PAIP2B: variants seen among roughly 807,000 people sequenced by gnomAD.
The protein encoded by PAIP2B is polyadenylate-binding protein-interacting protein 2B.
Under a neutral mutation model 17.0 loss-of-function variants are expected in PAIP2B, and 13 were observed. The ratio of observed to expected loss-of-function variants is 0.76; its 90% confidence interval spans 0.50 to 1.22. The LOEUF is 1.22. Ranked by LOEUF, PAIP2B falls within the 50% of genes most tolerant of loss-of-function variation. The pLI, the probability that PAIP2B is intolerant of heterozygous loss-of-function variation, is 0.00. For missense variants in PAIP2B, 117 were observed against 144.5 expected (o/e 0.81, Z 0.98); for synonymous variants, 43 against 48.7 (o/e 0.88, Z 0.48).
In PAIP2B at chr2:71,194,578, T is replaced by C. The variant is rs181139029; in HGVS notation, c.139-4557A>G. Among the ~76,000 whole-genome samples, 22 of 152,228 alleles carry C rather than the reference T, an allele frequency of 1.4e-4. No homozygotes were observed. The East Asian group carries it at 3.7e-3, about 25-fold the overall frequency. Reference sequence around the variant, plus strand: ...TAGGAATGCTAGTGATTTTTGTACATTGATTTTGTATTCTGCAACTTTGCT... The same window carrying C: ...TAGGAATGCTAGTGATTTTTGTACACTGATTTTGTATTCTGCAACTTTGCT... On this transcript the variant is annotated intron_variant, in intron 2 of 3. Coordinates refer to ENST00000244221, the MANE Select transcript of PAIP2B (RefSeq NM_020459.1).
intron 1 of PAIP2B, among the ~76,000 whole-genome samples, chr2:71,212,221 A>T (rs1409412303): frequency 6.6e-6 from 1 of 152,222 alleles, no homozygotes; most frequent in East Asian, 1.9e-4. Flanking sequence ...AAATGCCACT[A>T]TAAAAGCCTG....
intron 1 of PAIP2B, among the ~76,000 whole-genome samples, chr2:71,205,293 T>C (rs1026309602): frequency 6.6e-6 from 1 of 152,256 alleles, no homozygotes; most frequent in African/African-American, 2.4e-5. Flanking sequence ...TTTTGTACTA[T>C]TCAACCTGTG....
At chr2:71,189,220 C>T (rs1219708863) in intron 3 of PAIP2B, among the ~76,000 whole-genome samples, 1 of 152,050 alleles carries the variant, frequency 6.6e-6, no homozygotes, top group Non-Finnish European at 1.5e-5. Flanking sequence ...TCCATGTTGG[C>T]CAGGCTGGTC....
chr2:71,215,937 A>G (rs559901184), intron 1 of PAIP2B, among the ~76,000 whole-genome samples: 3 of 152,126 alleles, frequency 2.0e-5, no homozygotes, highest in Admixed American at 6.5e-5. Context: ...TTTGGCCTTG[A>G]TTTTTCATCT....
In PAIP2B at chr2:71,183,573, A is replaced by G. The variant is rs1224905811; in HGVS notation, c.*4906T>C. ...GCTCTCTGCTGACAAAATGTGGTACATCCATCAACAGAATTCTACTCAGCA... is the reference window on the plus strand; with the variant it reads ...GCTCTCTGCTGACAAAATGTGGTACGTCCATCAACAGAATTCTACTCAGCA... On this transcript the variant is annotated 3_prime_UTR_variant, in exon 4 of 4. Coordinates refer to ENST00000244221, the MANE Select transcript of PAIP2B (RefSeq NM_020459.1). 1 of 148,688 alleles carries G rather than the reference A, an allele frequency of 6.7e-6. No individual in the cohort carries two copies. Among genetic ancestry groups the G allele is most frequent in the African/African-American group, 2.5e-5 (1 of 40,052 alleles). 9.2% of individuals were successfully genotyped at this position (148,688 alleles called of 1,614,324 possible). A position where few individuals can be genotyped will look rare whatever the true frequency, so the allele number is the denominator to read the frequency against.
At chr2:71,206,524 C>T (rs1675132792) in intron 1 of PAIP2B, among the ~76,000 whole-genome samples, 1 of 152,148 alleles carries the variant, frequency 6.6e-6, no homozygotes, top group Non-Finnish European at 1.5e-5. Context: ...AGGGTCAAGA[C>T]ATATTTGTGT....
At chr2:71,223,031 CCT>C (rs1337934492) in intron 1 of PAIP2B, among the ~76,000 whole-genome samples, 16 of 152,202 alleles carry the variant, frequency 1.1e-4, no homozygotes, top group Admixed American at 5.9e-4. Context: ...CCCCAGAGCT[CCT>C]GACTTAGCTC....
At chr2:71,210,624 GAA>G (rs1675271001) in intron 1 of PAIP2B, among the ~76,000 whole-genome samples, 1 of 152,104 alleles carries the variant, frequency 6.6e-6, no homozygotes, top group Admixed American at 6.5e-5. Context: ...AGGAAGTCAG[GAA>G]AAAGAGGAAA....
At chr2:71,196,470 T>C (rs1302116674) in intron 2 of PAIP2B, among the ~76,000 whole-genome samples, 1 of 152,156 alleles carries the variant, frequency 6.6e-6, no homozygotes, top group African/African-American at 2.4e-5. Context: ...GGCAATGAGA[T>C]TAATGTACAC....
intron 2 of PAIP2B, among the ~76,000 whole-genome samples, chr2:71,192,541 G>A (rs1193723242): frequency 6.6e-6 from 1 of 151,926 alleles, no homozygotes; most frequent in Non-Finnish European, 1.5e-5. Context: ...CATATCACCA[G>A]GTATTAAGCT....
At chr2:71,214,042 T>C (rs1675368212) in intron 1 of PAIP2B, among the ~76,000 whole-genome samples, 1 of 152,220 alleles carries the variant, frequency 6.6e-6, no homozygotes, top group Admixed American at 6.5e-5. Flanking sequence ...GGTCTCACTA[T>C]GATGTCCAGA....
At chr2:71,205,019 G>A (rs1346130241) in intron 1 of PAIP2B, among the ~76,000 whole-genome samples, 2 of 151,674 alleles carry the variant, frequency 1.3e-5, no homozygotes, top group African/African-American at 4.8e-5. Flanking sequence ...GAGTGTACAT[G>A]ATTGTAAGGC....
chr2:71,211,620 T>C (rs923889050), intron 1 of PAIP2B, among the ~76,000 whole-genome samples: 2 of 117,628 alleles, frequency 1.7e-5, no homozygotes, highest in Non-Finnish European at 3.7e-5. Flanking sequence ...AAAAAAAAAA[T>C]GGCCATGTGT....
At chr2:71,217,935 G>A (rs1354013778) in intron 1 of PAIP2B, among the ~76,000 whole-genome samples, 1 of 152,064 alleles carries the variant, frequency 6.6e-6, no homozygotes, top group Non-Finnish European at 1.5e-5. Flanking sequence ...GGGCGTGGTG[G>A]TATATACCTG....
At chr2:71,195,907 G>A (rs1053823383) in intron 2 of PAIP2B, among the ~76,000 whole-genome samples, 2 of 152,150 alleles carry the variant, frequency 1.3e-5, no homozygotes, top group African/African-American at 4.8e-5. Context: ...TAAGTGCTGG[G>A]ACTATAGGCA....
In PAIP2B at chr2:71,213,313, G is replaced by C. The variant is rs112581884; in HGVS notation, c.-11-10713C>G. Among the ~76,000 whole-genome samples the C allele has an allele frequency of 1.7e-3, 260 of 152,262 alleles. 1 individual carries two copies. The highest frequency in any genetic ancestry group is 5.9e-3 in the African/African-American group (247 of 41,542). On this transcript the variant is annotated intron_variant, in intron 1 of 3. Transcript: ENST00000244221. The stretch of plus-strand genomic sequence containing the variant: ...TTTGCCACAACAAAGTGGGGAGAGG[G>C]GAGCCAAGCAGCATAATACATCTGT...
chr2:71,222,223 T>C (rs926261850), intron 1 of PAIP2B, among the ~76,000 whole-genome samples: 1 of 152,236 alleles, frequency 6.6e-6, no homozygotes, highest in Non-Finnish European at 1.5e-5. Flanking sequence ...ATTGTGTGAC[T>C]GTGGCATACA....
chr2:71,191,604 G>C (rs927584306), intron 2 of PAIP2B, among the ~76,000 whole-genome samples: 1 of 152,162 alleles, frequency 6.6e-6, no homozygotes, highest in South Asian at 2.1e-4. Flanking sequence ...AATCACATTT[G>C]TCACCTTACA....
chr2:71,204,181 TACC>T (rs1316257508), intron 1 of PAIP2B, among the ~76,000 whole-genome samples: 1 of 87,310 alleles, frequency 1.1e-5, no homozygotes, highest in Non-Finnish European at 2.6e-5. Context: ...GTTCCATAAA[TACC>T]TGAGGCTTAA....
Sources: gnomAD v4.1 joint callset for allele counts (sites outside exome capture counted in the v4.1 genomes callset) on GRCh38, gnomAD v4.1.1 for gene constraint, MANE v1.5 for transcripts, NCBI Gene and HGNC (gene_info 2026-07-23, HGNC 2026-07-21) for gene names.